The following MAST4 variants were observed in gnomAD, a reference collection of about 807,000 sequenced individuals.
The protein encoded by MAST4 is microtubule-associated serine/threonine-protein kinase 4.
In MAST4, 89 loss-of-function variants were observed where a neutral mutation model predicts 162.7. That is an observed-to-expected ratio of 0.55 (90% CI 0.46 to 0.65). The LOEUF (loss-of-function observed/expected upper bound fraction) is 0.65. MAST4 is among the 30% of genes least tolerant of loss of function. The pLI is 0.00. For synonymous variants in MAST4, 1,479 were observed against 1,361.1 expected (o/e 1.09, Z -1.91); for missense variants, 3,153 against 3,374.0 (o/e 0.93, Z 1.62).
chr5:66,635,057 G>T (rs1020758129), intron 1 of MAST4, among the ~76,000 whole-genome samples: 3 of 152,218 alleles, frequency 2.0e-5, no homozygotes, highest in African/African-American at 7.2e-5. Flanking sequence ...GAGGTCTACA[G>T]CTTCTCATTG....
intron 4 of MAST4, among the ~76,000 whole-genome samples, chr5:66,995,914 A>C (rs962669601): frequency 2.2e-5 from 3 of 138,996 alleles, no homozygotes; most frequent in African/African-American, 9.0e-5. Context: ...CACACACACA[A>C]ACTTGTAAAA....
intron 2 of MAST4, among the ~76,000 whole-genome samples, chr5:66,775,588 T>G (rs1754561266): frequency 6.6e-6 from 1 of 152,214 alleles, no homozygotes; most frequent in Non-Finnish European, 1.5e-5. Context: ...GGGCATTGTT[T>G]TGTGAAGCAA....
At chr5:67,082,534 A>G (rs942196434) in intron 5 of MAST4, among the ~76,000 whole-genome samples, 1 of 152,236 alleles carries the variant, frequency 6.6e-6, no homozygotes, top group African/African-American at 2.4e-5. Flanking sequence ...ACTAAATGCA[A>G]TGTGAGATGC....
chr5:66,797,165 A>G (rs999588083), intron 3 of MAST4, among the ~76,000 whole-genome samples: 2 of 152,244 alleles, frequency 1.3e-5, no homozygotes, highest in African/African-American at 4.8e-5. Flanking sequence ...TTGTTAAAAT[A>G]CCAGCATTGA....
chr5:66,757,905 T>C (rs1753638614), intron 1 of MAST4, among the ~76,000 whole-genome samples: 1 of 152,202 alleles, frequency 6.6e-6, no homozygotes, highest in Non-Finnish European at 1.5e-5. Context: ...ATGATCTGAC[T>C]CTAGATGAAC....
At chr5:67,113,625 C>G (rs535291101) in intron 11 of MAST4, among the ~76,000 whole-genome samples, 6 of 152,086 alleles carry the variant, frequency 3.9e-5, no homozygotes, top group Admixed American at 2.0e-4. Flanking sequence ...TTGGATACGT[C>G]TATATTAAGA....
intron 3 of MAST4, among the ~76,000 whole-genome samples, chr5:66,882,679 T>C (rs1761766883): frequency 1.3e-5 from 2 of 152,208 alleles, no homozygotes; most frequent in South Asian, 4.1e-4. Flanking sequence ...GCATACTTTT[T>C]AGTCTGTCTG....
chr5:67,049,006 CACAT>C (rs1378461222), intron 4 of MAST4, among the ~76,000 whole-genome samples: 5 of 120,726 alleles, frequency 4.1e-5, no homozygotes, highest in African/African-American at 1.4e-4. Flanking sequence ...TATATACACA[CACAT>C]ATATATATAT....
At chr5:66,837,256 A>C (rs1283665287) in intron 3 of MAST4, among the ~76,000 whole-genome samples, 1 of 152,164 alleles carries the variant, frequency 6.6e-6, no homozygotes, top group Non-Finnish European at 1.5e-5. Context: ...ATTGTAGTTA[A>C]CGTTGAGAAC....
intron 4 of MAST4, among the ~76,000 whole-genome samples, chr5:66,955,850 A>G (rs1745247941): frequency 6.6e-6 from 1 of 152,190 alleles, no homozygotes; most frequent in Non-Finnish European, 1.5e-5. Flanking sequence ...TACATACACA[A>G]TATCATGCTG....
intron 1 of MAST4, among the ~76,000 whole-genome samples, chr5:66,694,920 C>A (rs1298226797): frequency 6.6e-6 from 1 of 151,986 alleles, no homozygotes; most frequent in East Asian, 1.9e-4. Flanking sequence ...GGATATTAGA[C>A]CTTTGTTAGA....
chr5:66,854,014 G>T (rs1759497589), intron 3 of MAST4, among the ~76,000 whole-genome samples: 1 of 152,070 alleles, frequency 6.6e-6, no homozygotes, highest in Non-Finnish European at 1.5e-5. Context: ...TTGCAAATTT[G>T]CTTTTTCCAC....
At chr5:67,135,968 C>T (rs560640056) in intron 18 of MAST4, among the ~76,000 whole-genome samples, 8 of 152,306 alleles carry the variant, frequency 5.3e-5, no homozygotes, top group Admixed American at 2.6e-4. Context: ...TAAATACTTC[C>T]ATTACTATGA....
intron 1 of MAST4, among the ~76,000 whole-genome samples, chr5:66,643,856 G>A (rs1745642880): frequency 6.7e-6 from 1 of 148,956 alleles, no homozygotes; most frequent in Non-Finnish European, 1.5e-5. Flanking sequence ...TTATTGAGCA[G>A]GAAAGAAGAG....
chr5:67,049,040 T>TATATATATATATAC (rs1554087420), intron 4 of MAST4, among the ~76,000 whole-genome samples: 5 of 96,708 alleles, frequency 5.2e-5, no homozygotes, highest in African/African-American at 2.2e-4. Context: ...TATATATATA[T>TATATATATATATAC]ACGTGTATAT....
intron 26 of MAST4, among the ~76,000 whole-genome samples, chr5:67,154,148 C>A (rs930408084): frequency 4.6e-5 from 7 of 152,264 alleles, no homozygotes; most frequent in African/African-American, 1.7e-4. Flanking sequence ...AAAATGTAAG[C>A]AGAATATAGC....
At chr5:66,964,243 T>TTCTAAA (rs1157702502) in intron 4 of MAST4, among the ~76,000 whole-genome samples, 1 of 152,222 alleles carries the variant, frequency 6.6e-6, no homozygotes, top group African/African-American at 2.4e-5. Flanking sequence ...AACTCCAAGG[T>TTCTAAA]ATATACTCCT....
intron 4 of MAST4, among the ~76,000 whole-genome samples, chr5:66,963,518 A>G (rs1473003875): frequency 1.3e-5 from 2 of 152,262 alleles, no homozygotes. Flanking sequence ...TGTAAATTTC[A>G]GCAGGAAGCA....
At chr5:66,680,747 A>G (rs1748276859) in intron 1 of MAST4, among the ~76,000 whole-genome samples, 2 of 152,180 alleles carry the variant, frequency 1.3e-5, no homozygotes, top group African/African-American at 4.8e-5. Context: ...ACCCCCCAAA[A>G]AAGGCAAACC....
Sources: gnomAD v4.1 joint callset for allele counts (sites outside exome capture counted in the v4.1 genomes callset) on GRCh38, gnomAD v4.1.1 for gene constraint, MANE v1.5 for transcripts, NCBI Gene and HGNC (gene_info 2026-07-23, HGNC 2026-07-21) for gene names.